Variants in CDK14 observed in about 807,000 individuals in gnomAD.
The protein encoded by CDK14 is cyclin-dependent kinase 14.
CDK14 carries 34 observed loss-of-function variants against 60.7 expected under a neutral mutation model. The observed-to-expected ratio is 0.56, with a 90% CI of 0.43 to 0.75. The LOEUF is 0.75. Ranked by LOEUF, CDK14 falls within the 30% of genes least tolerant of loss-of-function variation. The pLI is 0.00. For synonymous variants in CDK14, 197 were observed against 203.7 expected, an observed-to-expected ratio of 0.97 and a Z score of 0.28; for missense variants, 482 against 564.1, an observed-to-expected ratio of 0.85 and a Z score of 1.47.
chr7:90,789,344 G>A (rs866645344), intron 4 of CDK14, among the ~76,000 whole-genome samples: 1 of 152,038 alleles, frequency 6.6e-6, no homozygotes, highest in Admixed American at 6.6e-5. Context: ...ATTTGTGTAT[G>A]TGTGTATATT....
intron 5 of CDK14, among the ~76,000 whole-genome samples, chr7:90,860,469 T>G (rs1790969818): frequency 1.3e-5 from 2 of 151,950 alleles, no homozygotes; most frequent in South Asian, 4.2e-4. Context: ...TAAAATTTCT[T>G]TAAGATGAGC....
chr7:90,989,453 A>G (rs186324313), intron 10 of CDK14, among the ~76,000 whole-genome samples: 152 of 151,936 alleles, frequency 1.0e-3, no homozygotes, highest in African/African-American at 3.3e-3. Flanking sequence ...TAAAAGAATT[A>G]TGTGTCATGG....
intron 4 of CDK14, among the ~76,000 whole-genome samples, chr7:90,749,051 T>G (rs1803706290): frequency 6.6e-6 from 1 of 152,230 alleles, no homozygotes; most frequent in Non-Finnish European, 1.5e-5. Flanking sequence ...TGTTCATGTT[T>G]CTTAAGTTTA....
intron 8 of CDK14, among the ~76,000 whole-genome samples, chr7:90,919,958 T>A (rs1161508525): frequency 6.6e-6 from 1 of 152,254 alleles, no homozygotes; most frequent in Non-Finnish European, 1.5e-5. Flanking sequence ...CTCAGAGGCA[T>A]GGACTGAATT....
chr7:91,190,749 C>A (rs1010501309), intron 14 of CDK14, among the ~76,000 whole-genome samples: 12 of 152,056 alleles, frequency 7.9e-5, no homozygotes, highest in African/African-American at 2.9e-4. Flanking sequence ...CTCGGCCTCC[C>A]AAAGTGCTAG....
At chr7:90,668,700 T>A (rs1447231783) in intron 2 of CDK14, among the ~76,000 whole-genome samples, 184 of 3,018 alleles carry the variant, frequency 0.061, 7 homozygotes, top group African/African-American at 0.19. Flanking sequence ...ACTCGCATTC[T>A]TTTTTTTTTT....
chr7:91,055,384 TTGTC>T (rs1311575557), intron 11 of CDK14, among the ~76,000 whole-genome samples: 1 of 152,170 alleles, frequency 6.6e-6, no homozygotes, highest in Non-Finnish European at 1.5e-5. Flanking sequence ...AATCTGTACT[TTGTC>T]TGGATGTACT....
intron 12 of CDK14, among the ~76,000 whole-genome samples, chr7:91,092,864 A>G (rs111668180): frequency 6.6e-6 from 1 of 152,338 alleles, no homozygotes; most frequent in Non-Finnish European, 1.5e-5. Context: ...ATTCTAATGT[A>G]GAAGGAAACG....
At chr7:90,928,197 A>T (rs1326353912) in intron 8 of CDK14, among the ~76,000 whole-genome samples, 1 of 152,024 alleles carries the variant, frequency 6.6e-6, no homozygotes, top group Non-Finnish European at 1.5e-5. Flanking sequence ...TTATTACCGA[A>T]CGTCTGAAGC....
chr7:90,766,399 A>G (rs913160110), intron 4 of CDK14, among the ~76,000 whole-genome samples: 1 of 152,246 alleles, frequency 6.6e-6, no homozygotes, highest in African/African-American at 2.4e-5. Context: ...TAAATGTTCA[A>G]TGAATATCAG....
At chr7:91,160,937 A>G (rs535800712) in intron 14 of CDK14, among the ~76,000 whole-genome samples, 1 of 152,310 alleles carries the variant, frequency 6.6e-6, no homozygotes, top group South Asian at 2.1e-4. Context: ...GGCAGCTCAC[A>G]AATTTATATA....
intron 2 of CDK14, among the ~76,000 whole-genome samples, chr7:90,647,815 C>A (rs940445254): frequency 2.6e-5 from 4 of 151,888 alleles, no homozygotes; most frequent in Non-Finnish European, 4.4e-5. Flanking sequence ...ATGGTTGCAC[C>A]ACTGCACTCC....
At chr7:90,695,576 G>A (rs1033197385) in intron 2 of CDK14, among the ~76,000 whole-genome samples, 12 of 152,062 alleles carry the variant, frequency 7.9e-5, no homozygotes, top group African/African-American at 2.4e-4. Context: ...GATAATAAAC[G>A]GATATGACCA....
intron 8 of CDK14, among the ~76,000 whole-genome samples, chr7:90,931,859 T>C (rs1034728468): frequency 2.0e-5 from 3 of 152,206 alleles, no homozygotes; most frequent in Non-Finnish European, 4.4e-5. Context: ...CAAAGTTTAT[T>C]CTAAAACAAG....
At chr7:90,687,616 G>A (rs573810717) in intron 2 of CDK14, among the ~76,000 whole-genome samples, 19 of 152,178 alleles carry the variant, frequency 1.2e-4, no homozygotes, top group Middle Eastern at 3.4e-3. Context: ...GGGAAATGGG[G>A]AAGTGATATG....
intron 8 of CDK14, among the ~76,000 whole-genome samples, chr7:90,955,490 A>G (rs1305731841): frequency 2.0e-5 from 3 of 152,164 alleles, no homozygotes; most frequent in Non-Finnish European, 4.4e-5. Context: ...CTTTATTAGG[A>G]AATAGAAATG....
intron 9 of CDK14, among the ~76,000 whole-genome samples, chr7:90,964,625 T>A (rs1001827315): frequency 2.6e-5 from 4 of 152,246 alleles, no homozygotes; most frequent in African/African-American, 9.6e-5. Flanking sequence ...AATTATTTTT[T>A]ATTTATTTTT....
chr7:90,909,037 A>G (rs1792805478), intron 7 of CDK14, among the ~76,000 whole-genome samples: 1 of 152,164 alleles, frequency 6.6e-6, no homozygotes, highest in South Asian at 2.1e-4. Context: ...AAAACCATTT[A>G]AACTCTGAAT....
chr7:90,955,783 G>A lies in CDK14; in HGVS notation c.913G>A (p.Gly305Ser). ...LWYRPPDVLLGSTEYSTCLDM... is the reference protein window; with the variant it reads ...LWYRPPDVLLSSTEYSTCLDM... ...GTACAGACCTCCAGATGTCCTTCTA[G>A]GCTCAACAGAATATTCCACCTGCCT... The change falls in exon 9 of 15, where the codon GGC (glycine) becomes AGC (serine). Residue 305 changes from glycine to serine, a missense_variant. Transcript: ENST00000380050. The A allele has an allele frequency of 6.2e-7, 1 of 1,613,364 alleles. No homozygotes were observed. The highest frequency in any genetic ancestry group is 8.5e-7 in the Non-Finnish European group (1 of 1,179,438).
Sources: gnomAD v4.1 joint callset for allele counts (sites outside exome capture counted in the v4.1 genomes callset) on GRCh38, gnomAD v4.1.1 for gene constraint, MANE v1.5 for transcripts, NCBI Gene and HGNC (gene_info 2026-07-23, HGNC 2026-07-21) for gene names.